The following UNC13C variants were observed in gnomAD, a reference collection of about 807,000 sequenced individuals.
The protein encoded by UNC13C is protein unc-13 homolog C.
A neutral mutation model predicts 245.4 loss-of-function variants in UNC13C; 174 were observed. The observed-to-expected ratio is 0.71, with a 90% confidence interval of 0.63 to 0.80. The LOEUF is 0.80. Among genes scored for constraint, UNC13C ranks in the 30% least tolerant of loss-of-function variants. The pLI is 0.00. For missense variants in UNC13C, 2,829 were observed against 2,602.9 expected (o/e 1.09, Z -1.89); for synonymous variants, 992 against 895.1 (o/e 1.11, Z -1.93).
chr15:54,158,174 A>G (rs1234742393), intron 4 of UNC13C, among the ~76,000 whole-genome samples: 1 of 152,204 alleles, frequency 6.6e-6, no homozygotes, highest in Non-Finnish European at 1.5e-5. Context: ...AGCAACTTTT[A>G]GAACAGAAAT....
chr15:54,172,183 T>C (rs575265357), intron 4 of UNC13C, among the ~76,000 whole-genome samples: 11 of 152,056 alleles, frequency 7.2e-5, no homozygotes, highest in Non-Finnish European at 1.5e-4. Flanking sequence ...TAAGATGTAG[T>C]ATTTGACAGC....
chr15:53,894,133 C>A, the UNC13C span, among the ~76,000 whole-genome samples: 6 of 152,194 alleles, frequency 3.9e-5, no homozygotes, highest in Non-Finnish European at 5.9e-5. Context: ...TGAGGCGACA[C>A]CCCACCCTGC....
chr15:54,025,629 A>G (rs910563662), intron 2 of UNC13C, among the ~76,000 whole-genome samples: 1 of 152,206 alleles, frequency 6.6e-6, no homozygotes, highest in African/African-American at 2.4e-5. Flanking sequence ...TTAGGATTCC[A>G]GAAATTAAGT....
chr15:54,448,271 C>T (rs908996748), intron 19 of UNC13C, among the ~76,000 whole-genome samples: 18 of 152,138 alleles, frequency 1.2e-4, no homozygotes, highest in South Asian at 2.1e-4. Context: ...GTGGAGAGTT[C>T]TGTAGATGTC....
chr15:54,062,007 C>T (rs1897861635), intron 2 of UNC13C, among the ~76,000 whole-genome samples: 1 of 151,964 alleles, frequency 6.6e-6, no homozygotes, highest in Non-Finnish European at 1.5e-5. Context: ...CTCAAGATGA[C>T]TTCATATATC....
At chr15:54,035,686 G>A (rs1595746516) in intron 2 of UNC13C, among the ~76,000 whole-genome samples, 2 of 152,116 alleles carry the variant, frequency 1.3e-5, no homozygotes, top group Admixed American at 1.3e-4. Flanking sequence ...GAAAAACGTG[G>A]AAGCCAATTT....
chr15:54,280,940 G>A (rs1365268353), intron 10 of UNC13C, among the ~76,000 whole-genome samples: 1 of 151,868 alleles, frequency 6.6e-6, no homozygotes. Context: ...TGAGATTACA[G>A]GCATGTGCCA....
chr15:53,885,553 A>G, the UNC13C span, among the ~76,000 whole-genome samples: 1 of 152,002 alleles, frequency 6.6e-6, no homozygotes, highest in Non-Finnish European at 1.5e-5. Flanking sequence ...TGTTCTTCAT[A>G]AAACCTAAGC....
the UNC13C span, among the ~76,000 whole-genome samples, chr15:53,895,216 T>C: frequency 6.6e-6 from 1 of 151,782 alleles, no homozygotes; most frequent in South Asian, 2.1e-4. Context: ...ATATAAAAAT[T>C]AGCTGGGTGT....
At position 54,013,599 on chromosome 15, in the gene UNC13C, C is replaced by T. The variant is rs897899860; in HGVS notation, c.696C>T (p.Ser232=). Residue 232 remains serine, a synonymous_variant, in exon 2 of 33, where the codon TCC becomes TCT. Transcript: ENST00000260323. ...KTNALEPGFS[S]SGCISQTHDV... is the part of the protein sequence containing the mutation. ...ATGCCCTGGAGCCAGGGTTCAGTTC[C>T]TCTGGCTGCATTAGCCAAACACATG... 2 of 1,613,534 alleles carry T rather than the reference C, an allele frequency of 1.2e-6. No homozygotes were observed. The highest frequency in any genetic ancestry group is 2.7e-5 in the African/African-American group (2 of 74,912).
chr15:54,384,358 A>G (rs1306106007), intron 17 of UNC13C, among the ~76,000 whole-genome samples: 2 of 152,080 alleles, frequency 1.3e-5, no homozygotes, highest in Non-Finnish European at 2.9e-5. Flanking sequence ...AAATCCACAT[A>G]TTTACAGCCA....
chr15:54,410,045 T>A (rs2040385786), intron 18 of UNC13C, among the ~76,000 whole-genome samples: 2 of 152,200 alleles, frequency 1.3e-5, no homozygotes, highest in African/African-American at 4.8e-5. Flanking sequence ...CTGTTATGTT[T>A]TTACTTTTCA....
intron 19 of UNC13C, among the ~76,000 whole-genome samples, chr15:54,437,320 T>C (rs1455793891): frequency 6.6e-6 from 1 of 151,974 alleles, no homozygotes; most frequent in Non-Finnish European, 1.5e-5. Context: ...ACATATTCAA[T>C]AGCATCTAAA....
chr15:54,448,126 A>G (rs1050589890), intron 19 of UNC13C, among the ~76,000 whole-genome samples: 6 of 152,106 alleles, frequency 3.9e-5, no homozygotes, highest in African/African-American at 7.2e-5. Flanking sequence ...TGATTACACT[A>G]TGGTCTGAGA....
intron 30 of UNC13C, among the ~76,000 whole-genome samples, chr15:54,574,620 C>A (rs1452257768): frequency 6.6e-6 from 1 of 152,132 alleles, no homozygotes; most frequent in East Asian, 1.9e-4. Flanking sequence ...TGACCTGAAT[C>A]ACAAAAGCTT....
intron 2 of UNC13C, among the ~76,000 whole-genome samples, chr15:54,096,708 A>G (rs1899886177): frequency 6.6e-6 from 1 of 152,122 alleles, no homozygotes; most frequent in Non-Finnish European, 1.5e-5. Context: ...CTTTCTCTCC[A>G]ACCCTGTCTT....
At chr15:54,339,175 T>G (rs1360999395) in intron 17 of UNC13C, among the ~76,000 whole-genome samples, 1 of 152,200 alleles carries the variant, frequency 6.6e-6, no homozygotes, top group Admixed American at 6.5e-5. Flanking sequence ...GCCTATATGT[T>G]AATTTATTAA....
chr15:54,399,671 G>A (rs1385273165), intron 18 of UNC13C, among the ~76,000 whole-genome samples: 2 of 151,772 alleles, frequency 1.3e-5, no homozygotes, highest in African/African-American at 4.8e-5. Flanking sequence ...AGTTTTAAAA[G>A]TTGTCTTTTC....
chr15:54,012,195 TTA>T (rs565165605), intron 1 of UNC13C, among the ~76,000 whole-genome samples: 2 of 151,968 alleles, frequency 1.3e-5, no homozygotes, highest in South Asian at 2.1e-4. Context: ...TCAAAAGAGG[TTA>T]TATATATATA....
Sources: gnomAD v4.1 joint callset for allele counts (sites outside exome capture counted in the v4.1 genomes callset) on GRCh38, gnomAD v4.1.1 for gene constraint, MANE v1.5 for transcripts, NCBI Gene and HGNC (gene_info 2026-07-23, HGNC 2026-07-21) for gene names.